Variants in PAH observed in about 807,000 individuals in gnomAD.
The protein encoded by PAH is phenylalanine hydroxylase.
In PAH, 64 loss-of-function variants were observed where a neutral mutation model predicts 62.0. The observed-to-expected ratio is 1.03, with a 90% CI of 0.84 to 1.27. The LOEUF (loss-of-function observed/expected upper bound fraction) is 1.27. Among genes scored for constraint, PAH ranks in the 50% most tolerant of loss-of-function variants. PAH has a pLI of 0.00. For synonymous variants in PAH, 195 were observed against 196.2 expected (o/e 0.99, Z 0.05); for missense variants, 579 against 542.8 (o/e 1.07, Z -0.66).
intron 11 of PAH, 86 bp downstream of exon 11, chr12:102,843,560 C>A: frequency 1.5e-6 from 2 of 1,369,846 alleles, no homozygotes; most frequent in Non-Finnish European, 2.1e-6. Flanking sequence ...ACATTGGAGT[C>A]CACTCTCCTG....
At chr12:102,864,804 G>T (rs1289511715) in intron 5 of PAH, among the ~76,000 whole-genome samples, 1 of 39,700 alleles carries the variant, frequency 2.5e-5, no homozygotes, top group African/African-American at 1.4e-4. Flanking sequence ...AATAGAATCT[G>T]CAAAAAAAAA....
intron 3 of PAH, among the ~76,000 whole-genome samples, chr12:102,893,119 G>A: frequency 6.6e-6 from 1 of 152,172 alleles, no homozygotes; most frequent in East Asian, 1.9e-4. Context: ...GTCTATTAAG[G>A]CCAGGCACAG....
chr12:102,848,946 T>C lies in PAH; in HGVS notation c.913-1995A>G, dbSNP rs374369771. Among the ~76,000 whole-genome samples the C allele has an allele frequency of 8.6e-5, 13 of 151,670 alleles. No individual in the cohort carries two copies. In the South Asian group the frequency reaches 1.7e-3, roughly 20 times the overall value. Reference sequence around the variant, plus strand: ...GAGTGTAGACGGGACACCAGGACACTGGAGAGGTTGAGAGTAAATGGGACA... The same window carrying C: ...GAGTGTAGACGGGACACCAGGACACCGGAGAGGTTGAGAGTAAATGGGACA... On this transcript the variant is annotated intron_variant, in intron 8 of 12. Coordinates refer to ENST00000553106, the MANE Select transcript of PAH (RefSeq NM_000277.3).
chr12:102,886,775 T>C (rs1460808253), intron 3 of PAH, among the ~76,000 whole-genome samples: 1 of 152,172 alleles, frequency 6.6e-6, no homozygotes, highest in Non-Finnish European at 1.5e-5. Flanking sequence ...TATTATGCCA[T>C]GTAGCCACAA....
intron 3 of PAH, among the ~76,000 whole-genome samples, chr12:102,886,484 G>T (rs1455965546): frequency 6.6e-6 from 1 of 152,036 alleles, no homozygotes; most frequent in African/African-American, 2.4e-5. Flanking sequence ...CCATTGGCAG[G>T]TTGGCCCCCA....
At chr12:102,894,592 T>C in intron 3 of PAH, 143 bp downstream of exon 3, 1 of 665,702 alleles carries the variant, frequency 1.5e-6, no homozygotes, top group South Asian at 1.9e-5. Context: ...CCAATACATA[T>C]ATATTAATTT....
chr12:102,931,746 C>T (rs77039292), intron 1 of PAH, among the ~76,000 whole-genome samples: 4,929 of 152,222 alleles, frequency 0.032, 280 homozygotes, highest in African/African-American at 0.11. Context: ...TCCTTGCCCT[C>T]TTGCGAAAAG....
chr12:102,868,505 C>T (rs1444515035), intron 4 of PAH, among the ~76,000 whole-genome samples: 2 of 151,862 alleles, frequency 1.3e-5, no homozygotes. Flanking sequence ...GATTTTATGA[C>T]ACGGTTATTG....
intron 3 of PAH, among the ~76,000 whole-genome samples, chr12:102,883,628 C>A (rs1439237975): frequency 6.6e-6 from 1 of 152,186 alleles, no homozygotes; most frequent in Non-Finnish European, 1.5e-5. Context: ...ACATCCCAGA[C>A]CTCTGAGCTC....
intron 5 of PAH, among the ~76,000 whole-genome samples, chr12:102,865,007 G>A (rs1875894588): frequency 6.6e-6 from 1 of 152,044 alleles, no homozygotes; most frequent in Non-Finnish European, 1.5e-5. Flanking sequence ...AATCATGTGG[G>A]ATTCATCTAT....
intron 1 of PAH, among the ~76,000 whole-genome samples, chr12:102,928,321 T>C (rs1397871999): frequency 6.6e-6 from 1 of 152,198 alleles, no homozygotes; most frequent in African/African-American, 2.4e-5. Flanking sequence ...ATTATACTTT[T>C]AGTTATTTTT....
chr12:102,899,630 C>T (rs1877654791), intron 2 of PAH, among the ~76,000 whole-genome samples: 1 of 151,416 alleles, frequency 6.6e-6, no homozygotes, highest in South Asian at 2.1e-4. Flanking sequence ...GAGGCCGAGG[C>T]GGGCGGATCA....
At chr12:102,882,665 TATATATATATAA>T (rs1321586782) in intron 3 of PAH, among the ~76,000 whole-genome samples, 3,909 of 47,524 alleles carry the variant, frequency 0.082, 105 homozygotes, top group African/African-American at 0.16. Flanking sequence ...TATATATATA[TATATATATATAA>T]AATTTTTTTC....
upstream of PAH, among the ~76,000 whole-genome samples, chr12:102,955,360 A>G (rs1334350481): frequency 7.7e-6 from 1 of 129,758 alleles, no homozygotes; most frequent in Non-Finnish European, 1.7e-5. Flanking sequence ...TGTAGATCAG[A>G]AAACTGAGGC....
At chr12:102,864,045 T>C (rs1875842729) in intron 5 of PAH, among the ~76,000 whole-genome samples, 1 of 152,160 alleles carries the variant, frequency 6.6e-6, no homozygotes, top group Non-Finnish European at 1.5e-5. Flanking sequence ...AATTGAGCAC[T>C]GTGACAAAAC....
chr12:102,854,702 C>T (rs1201492728), intron 6 of PAH: 4 of 267,038 alleles, frequency 1.5e-5, no homozygotes, highest in Non-Finnish European at 2.9e-5. Flanking sequence ...AGGATTCATA[C>T]CAGATGCACA....
At chr12:102,919,954 T>A (rs34727961), upstream of PAH, among the ~76,000 whole-genome samples, 61,310 of 151,958 alleles carry the variant, frequency 0.4, 13,786 homozygotes, top group African/African-American at 0.59. Context: ...TTCTTATAGG[T>A]ATATACCCAG....
intron 4 of PAH, among the ~76,000 whole-genome samples, chr12:102,872,963 C>T (rs1876414055): frequency 6.6e-6 from 1 of 152,018 alleles, no homozygotes; most frequent in Non-Finnish European, 1.5e-5. Flanking sequence ...AGTGAAACTC[C>T]ATTAAAAAAA....
chr12:102,848,070 G>A (rs1014330123), intron 8 of PAH, among the ~76,000 whole-genome samples: 1 of 152,218 alleles, frequency 6.6e-6, no homozygotes, highest in African/African-American at 2.4e-5. Context: ...AGCCATTGCA[G>A]GGTAATGAGC....
Sources: allele counts gnomAD v4.1 joint callset (sites outside exome capture counted in the v4.1 genomes callset), GRCh38; gene constraint gnomAD v4.1.1; transcripts MANE v1.5; gene names NCBI Gene and HGNC (gene_info 2026-07-23, HGNC 2026-07-21).